TBC1D22A: variants seen among roughly 807,000 people sequenced by gnomAD.
TBC1D22A encodes putative GTPase activator.
In TBC1D22A, 38 loss-of-function variants were observed where a neutral mutation model predicts 60.2. The ratio of observed to expected loss-of-function variants is 0.63; its 90% confidence interval spans 0.49 to 0.83. TBC1D22A has a LOEUF of 0.83. TBC1D22A is among the 40% of genes least tolerant of loss of function. TBC1D22A has a pLI of 0.00. For synonymous variants in TBC1D22A, 302 were observed against 281.7 expected (o/e 1.07, Z -0.72); for missense variants, 628 against 701.0 (o/e 0.90, Z 1.18).
In TBC1D22A at chr22:47,099,538, C is replaced by T. The variant is rs562602111; in HGVS notation, c.1330-11970C>T. ...TCAGCTCACTGCAGCCTCTGCCTCC[C>T]GGGTTCAAGCAATTCTCCTGCCTCA... On this transcript the variant is annotated intron_variant, in intron 11 of 12. Coordinates refer to ENST00000337137, the MANE Select transcript of TBC1D22A (RefSeq NM_014346.5). Among the ~76,000 whole-genome samples, 9 of 152,050 alleles carry T rather than the reference C, an allele frequency of 5.9e-5. No individual in the cohort carries two copies. In the South Asian group the frequency reaches 6.2e-4, roughly 11 times the overall value.
chr22:46,787,884 A>G (rs1356893310), intron 1 of TBC1D22A, among the ~76,000 whole-genome samples: 1 of 150,146 alleles, frequency 6.7e-6, no homozygotes, highest in East Asian at 1.9e-4. Context: ...CCTATATGTC[A>G]CTAAGCTGGC....
intron 4 of TBC1D22A, among the ~76,000 whole-genome samples, chr22:46,867,199 A>G (rs1258897711): frequency 6.6e-6 from 1 of 152,232 alleles, no homozygotes; most frequent in Non-Finnish European, 1.5e-5. Context: ...CGTTAGCAGC[A>G]GTGAACAGAG....
intron 12 of TBC1D22A, among the ~76,000 whole-genome samples, chr22:47,172,830 G>T (rs1437488719): frequency 6.6e-6 from 1 of 152,224 alleles, no homozygotes; most frequent in African/African-American, 2.4e-5. Context: ...ACCCACTGGT[G>T]TGAGGTGGTC....
chr22:46,858,887 T>C (rs2087715902), intron 4 of TBC1D22A, among the ~76,000 whole-genome samples: 1 of 152,204 alleles, frequency 6.6e-6, no homozygotes, highest in African/African-American at 2.4e-5. Flanking sequence ...ACATGAGTGT[T>C]AAAACTAGCA....
At chr22:46,865,676 A>G (rs1201696702) in intron 4 of TBC1D22A, among the ~76,000 whole-genome samples, 1 of 152,240 alleles carries the variant, frequency 6.6e-6, no homozygotes, top group Admixed American at 6.5e-5. Context: ...AGGCATGTCC[A>G]CAGGGGGTAA....
intron 12 of TBC1D22A, among the ~76,000 whole-genome samples, chr22:47,150,464 C>T (rs2067458788): frequency 6.6e-6 from 1 of 152,230 alleles, no homozygotes; most frequent in Admixed American, 6.5e-5. Flanking sequence ...TGTCCCAGTT[C>T]CGTCTAGAAC....
intron 11 of TBC1D22A, among the ~76,000 whole-genome samples, chr22:47,046,566 C>T (rs928924839): frequency 2.0e-5 from 3 of 152,192 alleles, no homozygotes; most frequent in Non-Finnish European, 2.9e-5. Context: ...GGACACAGTG[C>T]CACTCACATT....
intron 9 of TBC1D22A, among the ~76,000 whole-genome samples, chr22:46,989,682 C>T (rs1451086138): frequency 2.6e-5 from 4 of 151,786 alleles, no homozygotes; most frequent in Admixed American, 2.0e-4. Context: ...CATCAAAGAT[C>T]ACTCATCACA....
chr22:46,870,536 CCTGA>C (rs1365930927), intron 4 of TBC1D22A, among the ~76,000 whole-genome samples: 2 of 152,148 alleles, frequency 1.3e-5, no homozygotes, highest in African/African-American at 4.8e-5. Context: ...GATTTTACTG[CCTGA>C]CTGTGTGAAA....
At chr22:46,936,385 G>A (rs980805309) in intron 8 of TBC1D22A, among the ~76,000 whole-genome samples, 2 of 152,092 alleles carry the variant, frequency 1.3e-5, no homozygotes, top group Non-Finnish European at 2.9e-5. Flanking sequence ...GTGGCTCCCC[G>A]CACAGCCTCC....
At chr22:47,053,522 G>A (rs950358490) in intron 11 of TBC1D22A, among the ~76,000 whole-genome samples, 7 of 152,244 alleles carry the variant, frequency 4.6e-5, no homozygotes, top group African/African-American at 1.7e-4. Flanking sequence ...GATGGAGGGC[G>A]CTTCTCTCCC....
At chr22:47,112,744 C>T (rs756857269) in intron 12 of TBC1D22A, among the ~76,000 whole-genome samples, 40 of 152,292 alleles carry the variant, frequency 2.6e-4, no homozygotes, top group African/African-American at 7.5e-4. Context: ...GTGTGGGGCT[C>T]GGTTGTGCCC....
At chr22:46,964,464 T>G (rs187251604) in intron 8 of TBC1D22A, among the ~76,000 whole-genome samples, 1 of 152,128 alleles carries the variant, frequency 6.6e-6, no homozygotes, top group South Asian at 2.1e-4. Flanking sequence ...TTCTTTTCAG[T>G]GGATCATGTT....
intron 1 of TBC1D22A, among the ~76,000 whole-genome samples, chr22:46,769,445 G>A (rs955241718): frequency 6.6e-6 from 1 of 152,246 alleles, no homozygotes; most frequent in South Asian, 2.1e-4. Flanking sequence ...GAACACATGC[G>A]CACAGACTGC....
intron 12 of TBC1D22A, among the ~76,000 whole-genome samples, chr22:47,139,692 G>A (rs978434367): frequency 6.6e-6 from 1 of 152,218 alleles, no homozygotes; most frequent in Non-Finnish European, 1.5e-5. Flanking sequence ...GAGGAGGCGC[G>A]GTGTCCTGGC....
Position 47,140,566 on chromosome 22 carries a change from AAAAG to A in TBC1D22A, c.1425+28983_1425+28986del, listed in dbSNP as rs546151541. Among the ~76,000 whole-genome samples, 741 of 150,682 alleles carry A rather than the reference AAAAG, an allele frequency of 4.9e-3. 1 individual carries two copies. The highest frequency in any genetic ancestry group is 0.014 in the African/African-American group (581 of 40,592). ...GAGACTCTGTCTCAAAAAAAAAAAA[AAAAG>A]AAAGAAAGAAAGAAAGAAAATGCTA... On this transcript the variant is annotated intron_variant, in intron 12 of 12. Coordinates refer to ENST00000337137, the MANE Select transcript of TBC1D22A (RefSeq NM_014346.5).
chr22:47,052,125 G>T (rs1364731629), intron 11 of TBC1D22A, among the ~76,000 whole-genome samples: 2 of 152,232 alleles, frequency 1.3e-5, no homozygotes, highest in East Asian at 1.9e-4. Context: ...CTGAACATGG[G>T]TTCATTTGGA....
At chr22:46,932,742 T>TTTTTTA (rs58252309) in intron 8 of TBC1D22A, among the ~76,000 whole-genome samples, 2 of 109,230 alleles carry the variant, frequency 1.8e-5, no homozygotes, top group African/African-American at 6.4e-5. Flanking sequence ...TTTTTTTTTT[T>TTTTTTA]GAGATGGAGT....
intron 3 of TBC1D22A, among the ~76,000 whole-genome samples, chr22:46,796,277 G>A (rs1177976037): frequency 2.0e-5 from 3 of 152,146 alleles, no homozygotes; most frequent in Non-Finnish European, 4.4e-5. Context: ...GAGGCCATAG[G>A]TTGCCTGGCT....
Sources: allele counts gnomAD v4.1 joint callset (sites outside exome capture counted in the v4.1 genomes callset), GRCh38; gene constraint gnomAD v4.1.1; transcripts MANE v1.5; gene names NCBI Gene and HGNC (gene_info 2026-07-23, HGNC 2026-07-21).